GOLIM4: variants seen among roughly 807,000 people sequenced by gnomAD.
The protein encoded by GOLIM4 is 130 kDa golgi-localized phosphoprotein.
In GOLIM4, 71 loss-of-function variants were observed where a neutral mutation model predicts 107.4. That is an observed-to-expected ratio of 0.66 (90% CI 0.55 to 0.81). The LOEUF (loss-of-function observed/expected upper bound fraction) is 0.81, where lower values mean the gene tolerates loss of function less well. Among genes scored for constraint, GOLIM4 ranks in the 30% least tolerant of loss-of-function variants. The pLI is 0.00. For synonymous variants in GOLIM4, 327 were observed against 294.8 expected (o/e 1.11, Z -1.12); for missense variants, 830 against 826.1 (o/e 1.00, Z -0.06).
At chr3:168,084,439 T>C (rs2108292247) in intron 1 of GOLIM4, among the ~76,000 whole-genome samples, 1 of 152,246 alleles carries the variant, frequency 6.6e-6, no homozygotes, top group East Asian at 1.9e-4. Flanking sequence ...ATGAGTGTGA[T>C]TGGAAATGGA....
rs1718994859 is a variant in GOLIM4 at position 168,041,451 on chromosome 3, C to T, written c.541G>A (p.Glu181Lys). 6.4e-7 allele frequency: 1 copy of T among 1,562,434 alleles called. No homozygotes were observed. Residue 181 changes from glutamate to lysine, a missense_variant, in exon 6 of 16, where the codon GAG (glutamate) becomes AAG (lysine). By Grantham distance (56) the Glu-to-Lys change is moderately conservative. Coordinates refer to ENST00000470487, the MANE Select transcript of GOLIM4 (RefSeq NM_014498.5). ...LKETVYNLRE[E>K]NRQLRKAHQD... is the part of the protein sequence containing the mutation. ...TGTGCTTTCCTTAGTTGTCTATTCT[C>T]TTCTCTCAAATTGTATACAGTCTCT...
chr3:168,024,850 T>C (rs747928169), intron 13 of GOLIM4, 78 bp downstream of exon 13: 21 of 1,416,906 alleles, frequency 1.5e-5, no homozygotes, highest in Admixed American at 3.5e-5. Context: ...ATGTGGAATA[T>C]GACTAACCTT....
rs543872039 is a variant in GOLIM4 at position 168,071,588 on chromosome 3, G to T, written c.188-23223C>A. Among the ~76,000 whole-genome samples the T allele has an allele frequency of 4.6e-5, 7 of 150,588 alleles. No homozygotes were observed. The South Asian group carries it at 1.5e-3, about 32-fold the overall frequency. ...CAAGGAAACATGGCAACAGAAAGAG[G>T]GCCAAACTGAAAAGAGATTTTCTGG... On this transcript the variant is annotated intron_variant, in intron 1 of 15. Transcript: ENST00000470487.
intron 14 of GOLIM4, among the ~76,000 whole-genome samples, chr3:168,015,489 CCAT>C (rs1484906210): frequency 7.3e-6 from 1 of 136,922 alleles, no homozygotes; most frequent in Non-Finnish European, 1.5e-5. Context: ...AGATTCAATG[CCAT>C]CCCCATCAAG....
Position 168,032,640 on chromosome 3 carries a change from C to T in GOLIM4, c.1056G>A (p.Gly352=), listed in dbSNP as rs749677006. The T allele has an allele frequency of 1.2e-5, 20 of 1,613,922 alleles. No homozygotes were observed. In the South Asian group the frequency reaches 2.2e-4, roughly 18 times the overall value. The change falls in exon 9 of 16, where the codon GGG becomes GGA. Residue 352 remains glycine, a synonymous_variant. Transcript: ENST00000470487. ...ALEEEEMEQV[G]QAEHLEEEHD... is the part of the protein sequence containing the mutation. ...GTTCCTCCTCAAGATGTTCTGCTTG[C>T]CCGACCTGCTCCATTTCTTCCTCCT...
At chr3:168,019,486 T>C (rs1022814903) in intron 14 of GOLIM4, among the ~76,000 whole-genome samples, 1 of 152,198 alleles carries the variant, frequency 6.6e-6, no homozygotes, top group African/African-American at 2.4e-5. Flanking sequence ...ATTTTTATCA[T>C]TGTCCTAATG....
intron 1 of GOLIM4, among the ~76,000 whole-genome samples, chr3:168,079,392 C>T (rs558037329): frequency 6.6e-6 from 1 of 152,144 alleles, no homozygotes; most frequent in Non-Finnish European, 1.5e-5. Context: ...GGTGCTTATT[C>T]TTTGAGGTTG....
At chr3:168,016,057 A>C (rs1164323799) in intron 14 of GOLIM4, among the ~76,000 whole-genome samples, 1 of 134,514 alleles carries the variant, frequency 7.4e-6, no homozygotes, top group Non-Finnish European at 1.5e-5. Context: ...TAATTAAACT[A>C]AAGAGCTTCT....
intron 14 of GOLIM4, among the ~76,000 whole-genome samples, chr3:168,022,430 A>G (rs978529534): frequency 6.6e-6 from 1 of 151,974 alleles, no homozygotes; most frequent in African/African-American, 2.4e-5. Flanking sequence ...ACACATATGC[A>G]CTTATAAACA....
intron 1 of GOLIM4, among the ~76,000 whole-genome samples, chr3:168,050,869 TAAA>T (rs1243662262): frequency 7.0e-6 from 1 of 142,746 alleles, no homozygotes; most frequent in African/African-American, 2.6e-5. Flanking sequence ...ATAATAATAA[TAAA>T]ACCTAGCAGC....
chr3:168,090,139 A>G (rs1350969124), intron 1 of GOLIM4, among the ~76,000 whole-genome samples: 2 of 152,220 alleles, frequency 1.3e-5, no homozygotes, highest in Admixed American at 1.3e-4. Flanking sequence ...AGATGTATTC[A>G]TGCTTAGGCC....
At chr3:168,057,405 G>A (rs966081895) in intron 1 of GOLIM4, among the ~76,000 whole-genome samples, 2 of 152,294 alleles carry the variant, frequency 1.3e-5, no homozygotes, top group African/African-American at 4.8e-5. Flanking sequence ...GGTAACTTAT[G>A]AACAAAAGAG....
At chr3:168,037,332 T>C (rs1158504372) in intron 7 of GOLIM4, among the ~76,000 whole-genome samples, 1 of 152,086 alleles carries the variant, frequency 6.6e-6, no homozygotes, top group Non-Finnish European at 1.5e-5. Context: ...TATTAAAAAA[T>C]CCATTAAAAA....
intron 1 of GOLIM4, among the ~76,000 whole-genome samples, chr3:168,081,360 G>C (rs573690390): frequency 6.6e-6 from 1 of 152,294 alleles, no homozygotes; most frequent in South Asian, 2.1e-4. Flanking sequence ...GAAATTAGTA[G>C]CATGAGCAGC....
chr3:168,081,100 G>A (rs969063834), intron 1 of GOLIM4, among the ~76,000 whole-genome samples: 2 of 152,280 alleles, frequency 1.3e-5, no homozygotes, highest in Non-Finnish European at 2.9e-5. Flanking sequence ...AGCATGAGAT[G>A]AAGTCCTACT....
chr3:168,036,146 C>T (rs1187115443), intron 8 of GOLIM4, among the ~76,000 whole-genome samples: 1 of 152,134 alleles, frequency 6.6e-6, no homozygotes, highest in African/African-American at 2.4e-5. Context: ...TCACCCTAAC[C>T]CCCGCAAAAT....
At chr3:168,034,480 GA>G (rs1345503521) in intron 8 of GOLIM4, among the ~76,000 whole-genome samples, 1 of 152,190 alleles carries the variant, frequency 6.6e-6, no homozygotes, top group Non-Finnish European at 1.5e-5. Context: ...TGAAGATACT[GA>G]ACCTGTCTGT....
At chr3:168,068,477 C>G (rs567436698) in intron 1 of GOLIM4, among the ~76,000 whole-genome samples, 1 of 152,038 alleles carries the variant, frequency 6.6e-6, no homozygotes, top group Non-Finnish European at 1.5e-5. Flanking sequence ...ACTGTTTATA[C>G]GTCAACTTCT....
chr3:168,012,807 A>C (rs1717131528), intron 14 of GOLIM4, among the ~76,000 whole-genome samples: 1 of 152,148 alleles, frequency 6.6e-6, no homozygotes, highest in African/African-American at 2.4e-5. Context: ...TAAGCGAAGG[A>C]GAAATAAAAT....
Sources: gnomAD v4.1 joint callset for allele counts (sites outside exome capture counted in the v4.1 genomes callset) on GRCh38, gnomAD v4.1.1 for gene constraint, MANE v1.5 for transcripts, NCBI Gene and HGNC (gene_info 2026-07-23, HGNC 2026-07-21) for gene names.